Variants in CNTNAP2 observed in about 807,000 individuals in gnomAD.
The protein encoded by CNTNAP2 is contactin associated protein 2.
In CNTNAP2, 98 loss-of-function variants were observed where a neutral mutation model predicts 155.2. The ratio of observed to expected loss-of-function variants is 0.63; its 90% CI spans 0.54 to 0.75. The LOEUF is 0.75. CNTNAP2 is among the 30% of genes least tolerant of loss of function. The probability of loss-of-function intolerance (pLI) is 0.00; values close to 1 mark genes in which losing one functional copy is unlikely to be tolerated. For synonymous variants in CNTNAP2, 651 were observed against 631.2 expected (o/e 1.03, Z -0.47); for missense variants, 1,727 against 1,688.1 (o/e 1.02, Z -0.40).
intron 8 of CNTNAP2, among the ~76,000 whole-genome samples, chr7:147,268,852 T>C (rs916738066): frequency 2.6e-5 from 4 of 152,208 alleles, no homozygotes; most frequent in Non-Finnish European, 5.9e-5. Flanking sequence ...TTTCTCAGCA[T>C]GGATGCATCC....
chr7:147,916,261 A>T (rs1800159200), intron 14 of CNTNAP2, among the ~76,000 whole-genome samples: 1 of 152,268 alleles, frequency 6.6e-6, no homozygotes, highest in South Asian at 2.1e-4. Context: ...TGTATTATAT[A>T]CTGTCTCAGG....
intron 1 of CNTNAP2, among the ~76,000 whole-genome samples, chr7:146,229,117 T>C (rs1032175527): frequency 7.9e-5 from 12 of 152,136 alleles, no homozygotes; most frequent in Middle Eastern, 3.4e-3. Flanking sequence ...CAAAAAAGAG[T>C]AGCAAATTGG....
chr7:146,198,872 G>T (rs1245623898), intron 1 of CNTNAP2, among the ~76,000 whole-genome samples: 2 of 151,294 alleles, frequency 1.3e-5, no homozygotes, highest in African/African-American at 2.4e-5. Flanking sequence ...TTGATTTCTT[G>T]GCATTTTTAT....
chr7:147,256,674 C>T (rs182541157), intron 8 of CNTNAP2, among the ~76,000 whole-genome samples: 15 of 152,236 alleles, frequency 9.9e-5, no homozygotes, highest in Admixed American at 9.8e-4. Context: ...ATGTGATCTA[C>T]ATTTGAAACC....
At chr7:146,635,982 CTT>C (rs916201213) in intron 1 of CNTNAP2, among the ~76,000 whole-genome samples, 2 of 152,140 alleles carry the variant, frequency 1.3e-5, no homozygotes, top group African/African-American at 4.8e-5. Context: ...TGCTTGCTCA[CTT>C]TAGCAAACTG....
intron 3 of CNTNAP2, among the ~76,000 whole-genome samples, chr7:146,969,495 T>C (rs909722031): frequency 5.9e-5 from 9 of 152,090 alleles, no homozygotes; most frequent in Admixed American, 2.6e-4. Flanking sequence ...CTGGGTGCTC[T>C]TGTATTGGGT....
chr7:147,206,941 T>G (rs1803035090), intron 8 of CNTNAP2, among the ~76,000 whole-genome samples: 1 of 152,154 alleles, frequency 6.6e-6, no homozygotes, highest in African/African-American at 2.4e-5. Flanking sequence ...GGAGCAAAGG[T>G]GACGGAAATT....
chr7:147,020,891 A>G (rs1798806426), intron 3 of CNTNAP2, among the ~76,000 whole-genome samples: 1 of 152,170 alleles, frequency 6.6e-6, no homozygotes, highest in Non-Finnish European at 1.5e-5. Flanking sequence ...GGCAACAAAG[A>G]AAGAATGTAG....
intron 13 of CNTNAP2, among the ~76,000 whole-genome samples, chr7:147,786,798 A>T (rs1041011349): frequency 6.6e-6 from 1 of 152,132 alleles, no homozygotes; most frequent in Non-Finnish European, 1.5e-5. Context: ...CAAGACCTCC[A>T]TCTATACATA....
intron 21 of CNTNAP2, among the ~76,000 whole-genome samples, chr7:148,367,222 T>C (rs1203890692): frequency 6.7e-6 from 1 of 149,844 alleles, no homozygotes; most frequent in East Asian, 1.9e-4. Flanking sequence ...AGAACAAGAC[T>C]CTGTCTCAAA....
chr7:147,714,710 CAT>C (rs1225099270), intron 13 of CNTNAP2, among the ~76,000 whole-genome samples: 7 of 152,048 alleles, frequency 4.6e-5, no homozygotes, highest in African/African-American at 7.2e-5. Context: ...TGTGTGTACT[CAT>C]GTGTATGTAT....
chr7:147,970,616 T>C (rs1252636345), intron 14 of CNTNAP2, among the ~76,000 whole-genome samples: 1 of 152,158 alleles, frequency 6.6e-6, no homozygotes, highest in Non-Finnish European at 1.5e-5. Flanking sequence ...TGAACTTAAT[T>C]GTCTGAACAA....
In CNTNAP2 at chr7:147,306,500, C is replaced by A. The variant is rs76062312; in HGVS notation, c.1498+6210C>A. Among the ~76,000 whole-genome samples, 1,384 of 152,238 alleles carry A rather than the reference C, an allele frequency of 9.1e-3. 16 individuals are homozygous for A. The highest frequency in any genetic ancestry group is 0.032 in the African/African-American group (1,320 of 41,522). ...ATTTTAAAATTCTCCAAGGGAATTTCATGTCCATATGCATAAGAGAGAGAA... is the reference window on the plus strand; with the variant it reads ...ATTTTAAAATTCTCCAAGGGAATTTAATGTCCATATGCATAAGAGAGAGAA... On this transcript the variant is annotated intron_variant, in intron 9 of 23. Coordinates refer to ENST00000361727, the MANE Select transcript of CNTNAP2 (RefSeq NM_014141.6).
rs762828266 is a variant in CNTNAP2 at position 146,116,841 on chromosome 7, C to G, written c.-36C>G. 1.3e-6 allele frequency: 2 copies of G among 1,509,956 alleles called. No homozygotes were observed. The highest frequency in any genetic ancestry group is 1.4e-5 in the African/African-American group (1 of 72,248). 93.5% of individuals were successfully genotyped at this position (1,509,956 alleles called of 1,614,324 possible). On this transcript the variant is annotated 5_prime_UTR_variant, in exon 1 of 24. Transcript: ENST00000361727. The surrounding 1 kb of genome is among the most constrained non-coding windows in gnomAD (Gnocchi z 5.5). ...GGAGAGTCGGACTGCATCTCCGCAG[C>G]GAGCTCTTGGAGCGCCGCCGGCCGG...
At chr7:147,541,793 G>T (rs1171226981) in intron 11 of CNTNAP2, among the ~76,000 whole-genome samples, 1 of 152,118 alleles carries the variant, frequency 6.6e-6, no homozygotes, top group Non-Finnish European at 1.5e-5. Context: ...ATCTTTCCGT[G>T]TTCACTAAGG....
At chr7:148,276,952 A>G (rs527927397) in intron 21 of CNTNAP2, among the ~76,000 whole-genome samples, 3 of 152,364 alleles carry the variant, frequency 2.0e-5, no homozygotes, top group Non-Finnish European at 4.4e-5. Context: ...CAAATAAGCT[A>G]AACATCCAGG....
intron 10 of CNTNAP2, among the ~76,000 whole-genome samples, chr7:147,400,732 T>C (rs1299172385): frequency 6.6e-6 from 1 of 152,108 alleles, no homozygotes; most frequent in African/African-American, 2.4e-5. Flanking sequence ...CCTGATACAG[T>C]TGCCCCTCTT....
chr7:146,630,000 T>C (rs1563163669), intron 1 of CNTNAP2, among the ~76,000 whole-genome samples: 1 of 152,086 alleles, frequency 6.6e-6, no homozygotes, highest in Non-Finnish European at 1.5e-5. Flanking sequence ...TGTTCTTTTT[T>C]TTTTAAGTTC....
chr7:146,756,040 T>G (rs1393790423), intron 1 of CNTNAP2, among the ~76,000 whole-genome samples: 1 of 151,972 alleles, frequency 6.6e-6, no homozygotes, highest in African/African-American at 2.4e-5. Context: ...AGTTAAATAA[T>G]ATGATATTCT....
Sources: gnomAD v4.1 joint callset for allele counts (sites outside exome capture counted in the v4.1 genomes callset) on GRCh38, gnomAD v4.1.1 for gene constraint, Gnocchi (gnomAD v3.1) non-coding constraint, MANE v1.5 for transcripts, NCBI Gene and HGNC (gene_info 2026-07-23, HGNC 2026-07-21) for gene names.